CCDC40: variants seen among roughly 807,000 people sequenced by gnomAD.
CCDC40 encodes coiled-coil domain-containing protein 40.
CCDC40 carries 104 observed loss-of-function variants against 124.5 expected under a neutral mutation model. That is an observed-to-expected ratio of 0.84 (90% CI 0.71 to 0.98). The LOEUF is 0.98. Ranked by LOEUF, CCDC40 falls within the 50% of genes least tolerant of loss-of-function variation. The pLI, the probability that CCDC40 is intolerant of heterozygous loss-of-function variation, is 0.00. For missense variants in CCDC40, 1,463 were observed against 1,503.9 expected, an observed-to-expected ratio of 0.97 and a Z score of 0.45; for synonymous variants, 580 against 602.9, an observed-to-expected ratio of 0.96 and a Z score of 0.56.
intron 17 of CCDC40, among the ~76,000 whole-genome samples, chr17:80,090,988 C>G (rs1002098560): frequency 6.6e-6 from 1 of 152,184 alleles, no homozygotes; most frequent in African/African-American, 2.4e-5. Flanking sequence ...AGAGAAGGTC[C>G]GGGCTGCTCC....
chr17:80,078,585 A>C (rs8073972), intron 10 of CCDC40, among the ~76,000 whole-genome samples: 194 of 152,126 alleles, frequency 1.3e-3, no homozygotes, highest in African/African-American at 4.5e-3. Flanking sequence ...AGATCAATGT[A>C]TTGTGTGTGT....
intron 10 of CCDC40, among the ~76,000 whole-genome samples, chr17:80,071,818 T>A (rs2038193982): frequency 6.7e-6 from 1 of 148,884 alleles, no homozygotes; most frequent in African/African-American, 2.5e-5. Flanking sequence ...GAAGTGCATT[T>A]TGGGTTTTTC....
intron 10 of CCDC40, among the ~76,000 whole-genome samples, chr17:80,077,784 T>G (rs548441236): frequency 1.4e-4 from 22 of 152,354 alleles, no homozygotes; most frequent in African/African-American, 5.3e-4. Flanking sequence ...CTGTGCCTTC[T>G]CTGGTGAAGC....
chr17:80,048,269 A>G (rs976363428), intron 4 of CCDC40: 12 of 388,528 alleles, frequency 3.1e-5, no homozygotes, highest in Non-Finnish European at 5.4e-5. Flanking sequence ...GGGGATAAAA[A>G]ATATTGTATC....
chr17:80,049,377 C>A (rs1374508308), intron 5 of CCDC40, among the ~76,000 whole-genome samples: 1 of 150,814 alleles, frequency 6.6e-6, no homozygotes, highest in Non-Finnish European at 1.5e-5. Flanking sequence ...CCAGTGCACT[C>A]CAGCCTGGGC....
intron 5 of CCDC40, 46 bp from the exon 6 acceptor site, chr17:80,049,860 G>A: frequency 1.3e-6 from 2 of 1,567,988 alleles, no homozygotes; most frequent in Non-Finnish European, 1.8e-6. Flanking sequence ...GGTCGGGCAG[G>A]AGGGTAACCA....
intron 3 of CCDC40, among the ~76,000 whole-genome samples, chr17:80,044,127 G>C (rs1326869853): frequency 6.6e-6 from 1 of 152,154 alleles, no homozygotes; most frequent in African/African-American, 2.4e-5. Flanking sequence ...TGTGCCCATT[G>C]TACAGATGAG....
chr17:80,048,123 G>T (rs932638760), intron 4 of CCDC40, among the ~76,000 whole-genome samples: 2 of 152,176 alleles, frequency 1.3e-5, no homozygotes, highest in South Asian at 2.1e-4. Flanking sequence ...ACCGGGCGTG[G>T]TGGCGGGTGC....
intron 9 of CCDC40, among the ~76,000 whole-genome samples, chr17:80,062,591 G>A (rs909403399): frequency 6.6e-6 from 1 of 151,754 alleles, no homozygotes; most frequent in Admixed American, 6.6e-5. Context: ...TGCTGAGAAT[G>A]ATGGTAGAGA....
At chr17:80,088,188 A>T in intron 16 of CCDC40, 86 bp downstream of exon 16, 1 of 858,856 alleles carries the variant, frequency 1.2e-6, no homozygotes, top group Non-Finnish European at 2.0e-6. Context: ...GTAGGAGGCC[A>T]GGTGTGGCAG....
chr17:80,093,502 CT>C lies in CCDC40; in HGVS notation c.2833-1760del, dbSNP rs368659134. Among the ~76,000 whole-genome samples, 379 of 147,002 alleles carry C rather than the reference CT, an allele frequency of 2.6e-3. 5 individuals carry two copies. Among genetic ancestry groups the C allele is most frequent in the African/African-American group, 9.1e-3 (363 of 39,730 alleles). ...CCGGCCAGCTGATTTTAATATTAGG[CT>C]GTTTTCTTATTTCTCTTTTTTTTTT... On this transcript the variant is annotated intron_variant, in intron 17 of 19. Coordinates refer to ENST00000397545, the MANE Select transcript of CCDC40 (RefSeq NM_017950.4).
At chr17:80,043,784 G>A (rs956683193) in intron 3 of CCDC40, among the ~76,000 whole-genome samples, 4 of 151,856 alleles carry the variant, frequency 2.6e-5, no homozygotes, top group African/African-American at 7.3e-5. Context: ...CTCCCAAAGT[G>A]CTGGGATTAC....
At chr17:80,064,364 G>A (rs1055524306) in intron 9 of CCDC40, among the ~76,000 whole-genome samples, 2 of 151,976 alleles carry the variant, frequency 1.3e-5, no homozygotes, top group East Asian at 3.9e-4. Context: ...GACTCGGGCC[G>A]CCAGCTTGCT....
At chr17:80,069,657 A>G (rs1240284569) in intron 10 of CCDC40, among the ~76,000 whole-genome samples, 1 of 152,196 alleles carries the variant, frequency 6.6e-6, no homozygotes, top group Non-Finnish European at 1.5e-5. Flanking sequence ...AGGCTGAGGC[A>G]GGAGAATCGC....
chr17:80,051,240 G>C, intron 7 of CCDC40: 5 of 773,260 alleles, frequency 6.5e-6, no homozygotes, highest in Non-Finnish European at 7.9e-6. Context: ...GAAGCACATG[G>C]CTATCCCAGC....
chr17:80,063,671 A>G (rs1249163313), intron 9 of CCDC40, among the ~76,000 whole-genome samples: 9 of 152,164 alleles, frequency 5.9e-5, no homozygotes, highest in Non-Finnish European at 8.8e-5. Context: ...AAGGAAAGGG[A>G]ATCCGTGCAT....
intron 3 of CCDC40, among the ~76,000 whole-genome samples, chr17:80,045,858 CTT>C: frequency 6.6e-6 from 1 of 151,144 alleles, no homozygotes; most frequent in Non-Finnish European, 1.5e-5. Flanking sequence ...AAAAAAAACA[CTT>C]CTGCTAGGAC....
rs387907092 is a variant in CCDC40, at chr17:80,082,020, C to T, written c.1951C>T (p.Gln651Ter). ...CAACAAGACCACCAAATACTTCAAC[C>T]AGCTCATCCTGAGGCTGCAGAAGGA... Reference protein sequence around the residue: ...TSNKTTKYFNQLILRLQKEKT... With the variant: ...TSNKTTKYFN The change falls in exon 12 of 20, where the codon CAG becomes TAG. Residue 651 changes from glutamine (Q) to a stop codon, truncating the protein, a stop_gained. Transcript: ENST00000397545. LOFTEE classifies it high-confidence loss of function. 1 of 1,613,574 alleles carries T rather than the reference C, an allele frequency of 6.2e-7. No homozygotes were observed. The highest frequency in any genetic ancestry group is 8.5e-7 in the Non-Finnish European group (1 of 1,179,954).
chr17:80,095,518 A>G, intron 18 of CCDC40, 67 bp downstream of exon 18: 1 of 1,516,182 alleles, frequency 6.6e-7, no homozygotes, highest in East Asian at 2.3e-5. Flanking sequence ...ACACTCCAGG[A>G]AGGCGTCTTG....
Sources: allele counts gnomAD v4.1 joint callset (sites outside exome capture counted in the v4.1 genomes callset), GRCh38; gene constraint gnomAD v4.1.1; transcripts MANE v1.5; gene names NCBI Gene and HGNC (gene_info 2026-07-23, HGNC 2026-07-21).